DAB1: variants seen among roughly 807,000 people sequenced by gnomAD.
DAB1 encodes the protein DAB adaptor protein 1.
A neutral mutation model predicts 64.6 loss-of-function variants in DAB1; 15 were observed. The observed-to-expected ratio is 0.23, with a 90% CI of 0.16 to 0.36. DAB1 has a LOEUF of 0.36. DAB1 is among the 10% of genes least tolerant of loss of function. The pLI is 1.00. For missense variants in DAB1, 596 were observed against 706.7 expected (o/e 0.84, Z 1.78); for synonymous variants, 235 against 251.9 (o/e 0.93, Z 0.64).
chr1:57,489,675 AC>A (rs138008797), intron 7 of DAB1, among the ~76,000 whole-genome samples: 17,866 of 152,158 alleles, frequency 0.12, 2,636 homozygotes, highest in African/African-American at 0.35. Context: ...AGCCCCAGGA[AC>A]CTTTGCTGAA....
intron 7 of DAB1, among the ~76,000 whole-genome samples, chr1:57,571,567 C>G (rs1006417369): frequency 6.6e-6 from 1 of 152,162 alleles, no homozygotes; most frequent in Non-Finnish European, 1.5e-5. Context: ...ATTACATCCT[C>G]TCAAAAAATT....
At chr1:57,061,052 T>C (rs1356689546) in intron 9 of DAB1, among the ~76,000 whole-genome samples, 1 of 151,988 alleles carries the variant, frequency 6.6e-6, no homozygotes, top group African/African-American at 2.4e-5. Context: ...GACCAATGTT[T>C]CAGTGACAAG....
intron 7 of DAB1, among the ~76,000 whole-genome samples, chr1:57,521,045 A>G (rs1480648995): frequency 6.6e-6 from 1 of 152,198 alleles, no homozygotes; most frequent in African/African-American, 2.4e-5. Context: ...AGGGACACCC[A>G]GAGACCCAAG....
intron 1 of DAB1, among the ~76,000 whole-genome samples, chr1:57,381,409 C>G (rs1244483477): frequency 6.6e-6 from 1 of 152,026 alleles, no homozygotes; most frequent in Admixed American, 6.6e-5. Context: ...GCATAAGGCT[C>G]TTGAGTATTT....
chr1:58,153,215 C>G (rs1405571410), intron 4 of DAB1, among the ~76,000 whole-genome samples: 10 of 152,170 alleles, frequency 6.6e-5, no homozygotes, highest in Non-Finnish European at 1.3e-4. Context: ...ATATTTCTGT[C>G]ATACAGGACA....
intron 5 of DAB1, among the ~76,000 whole-genome samples, chr1:57,895,792 C>T (rs554275303): frequency 6.6e-6 from 1 of 152,204 alleles, no homozygotes; most frequent in East Asian, 1.9e-4. Context: ...AAAATAATAT[C>T]CTCATACCAA....
intron 9 of DAB1, among the ~76,000 whole-genome samples, chr1:57,062,396 C>T (rs1247267734): frequency 2.6e-5 from 4 of 152,204 alleles, no homozygotes; most frequent in Non-Finnish European, 5.9e-5. Flanking sequence ...CTTTCCACAA[C>T]AGAAACACTA....
chr1:57,790,943 A>G (rs1557482896), intron 6 of DAB1, among the ~76,000 whole-genome samples: 1 of 152,206 alleles, frequency 6.6e-6, no homozygotes, highest in Non-Finnish European at 1.5e-5. Context: ...GTAGATAGCT[A>G]TTAGGACTAA....
chr1:57,781,122 CTCTCTATATATATATA>C (rs1263985188), intron 6 of DAB1, among the ~76,000 whole-genome samples: 88 of 43,832 alleles, frequency 2.0e-3, no homozygotes, highest in East Asian at 6.2e-3. Flanking sequence ...CTCTCTCTCT[CTCTCTATATATATATA>C]TATATATATA....
At chr1:58,065,798 C>T (rs187037776) in intron 5 of DAB1, among the ~76,000 whole-genome samples, 1 of 152,308 alleles carries the variant, frequency 6.6e-6, no homozygotes, top group Non-Finnish European at 1.5e-5. Context: ...AGGCCAGGGA[C>T]AGTCTTGGCC....
At chr1:57,809,157 T>C (rs1436114895) in intron 6 of DAB1, among the ~76,000 whole-genome samples, 1 of 152,230 alleles carries the variant, frequency 6.6e-6, no homozygotes, top group Non-Finnish European at 1.5e-5. Context: ...TTGGCAATTG[T>C]ATCTCCAAGT....
chr1:58,000,773 G>A (rs181812068), intron 5 of DAB1, among the ~76,000 whole-genome samples: 3 of 151,936 alleles, frequency 2.0e-5, no homozygotes, highest in Admixed American at 6.6e-5. Context: ...GTTTCACCAT[G>A]CTGGCCAGGC....
intron 4 of DAB1, among the ~76,000 whole-genome samples, chr1:58,198,441 GTCA>G (rs1237019289): frequency 7.9e-5 from 12 of 152,184 alleles, no homozygotes; most frequent in Non-Finnish European, 1.8e-4. Flanking sequence ...GATAGGCTGT[GTCA>G]TCAAGATCAT....
chr1:58,528,205 G>A (rs978654986), intron 1 of DAB1, among the ~76,000 whole-genome samples: 6 of 152,190 alleles, frequency 3.9e-5, no homozygotes, highest in African/African-American at 1.4e-4. Context: ...CAGGCTGCAT[G>A]TGCCCCCGTC....
chr1:57,006,191 T>C lies in DAB1; in HGVS notation c.*15+4489A>G, dbSNP rs144047186. Among the ~76,000 whole-genome samples the C allele has an allele frequency of 1.5e-3, 226 of 152,340 alleles. 1 individual carries two copies. Among genetic ancestry groups the C allele is most frequent in the African/African-American group, 5.2e-3 (217 of 41,578 alleles). ...ATCTGTGTATTCTACTTGCACTCAC[T>C]ACTCCAATGGCTGAAACCCATATGG... On this transcript the variant is annotated intron_variant, in intron 14 of 14. Transcript: ENST00000371236.
intron 4 of DAB1, among the ~76,000 whole-genome samples, chr1:58,230,644 T>C (rs907198772): frequency 2.0e-5 from 3 of 152,178 alleles, no homozygotes; most frequent in Non-Finnish European, 4.4e-5. Context: ...CATCTCAGGT[T>C]TGTAGAAAAA....
At chr1:57,730,104 C>A (rs377620723) in intron 6 of DAB1, among the ~76,000 whole-genome samples, 1 of 152,140 alleles carries the variant, frequency 6.6e-6, no homozygotes, top group East Asian at 1.9e-4. Context: ...ATTCTAATTT[C>A]CTCTCAAACT....
chr1:58,137,230 T>C (rs1431974378), intron 5 of DAB1, among the ~76,000 whole-genome samples: 1 of 152,258 alleles, frequency 6.6e-6, no homozygotes, highest in Non-Finnish European at 1.5e-5. Context: ...AATCATCTTA[T>C]CTAAGTCCGT....
At chr1:57,986,518 G>C (rs1379463017) in intron 5 of DAB1, among the ~76,000 whole-genome samples, 1 of 152,086 alleles carries the variant, frequency 6.6e-6, no homozygotes, top group Non-Finnish European at 1.5e-5. Flanking sequence ...CCCAGTCTAT[G>C]GTATTTTATG....
Sources: gnomAD v4.1 joint callset for allele counts (sites outside exome capture counted in the v4.1 genomes callset) on GRCh38, gnomAD v4.1.1 for gene constraint, MANE v1.5 for transcripts, NCBI Gene and HGNC (gene_info 2026-07-23, HGNC 2026-07-21) for gene names.